The following CCT5 variants were observed in gnomAD, a reference collection of about 807,000 sequenced individuals.
The protein encoded by CCT5 is T-complex protein 1 subunit epsilon.
Under a neutral mutation model 55.0 loss-of-function variants are expected in CCT5, and 6 were observed. The observed-to-expected ratio is 0.11, with a 90% CI of 0.06 to 0.22. CCT5 has a LOEUF of 0.22. Among genes scored for constraint, CCT5 ranks in the 10% least tolerant of loss-of-function variants. CCT5 has a pLI of 1.00. For missense variants in CCT5, 560 were observed against 694.6 expected, an observed-to-expected ratio of 0.81 and a Z score of 2.18; for synonymous variants, 231 against 243.7, an observed-to-expected ratio of 0.95 and a Z score of 0.49.
At chr5:10,250,933 T>A (rs1044411543) in intron 1 of CCT5, 40 of 936,330 alleles carry the variant, frequency 4.3e-5, no homozygotes, top group Admixed American at 2.9e-4. Context: ...CTGAGTGCTT[T>A]TTTGCCCACC....
intron 8 of CCT5, 99 bp from the exon 9 acceptor site, chr5:10,262,382 T>C: frequency 7.7e-7 from 1 of 1,302,848 alleles, no homozygotes; most frequent in East Asian, 2.3e-5. Flanking sequence ...ATCTAAATAT[T>C]AGAGCACAGC....
intron 8 of CCT5, 61 bp downstream of exon 8, chr5:10,261,806 T>TAAAA (rs1431295329): frequency 7.4e-7 from 1 of 1,352,160 alleles, no homozygotes; most frequent in Admixed American, 1.7e-5. Context: ...CTGGCTTTTT[T>TAAAA]GCCTGTGTGT....
chr5:10,252,254 G>C (rs1745461163), intron 1 of CCT5, among the ~76,000 whole-genome samples: 1 of 152,192 alleles, frequency 6.6e-6, no homozygotes, highest in Non-Finnish European at 1.5e-5. Flanking sequence ...TGACCTCATA[G>C]AACGTCCAGC....
chr5:10,261,313 A>G, intron 7 of CCT5: 1 of 540,786 alleles, frequency 1.8e-6, no homozygotes, highest in Non-Finnish European at 3.3e-6. Flanking sequence ...TGAGGGTATG[A>G]GCTTAGGGGA....
At chr5:10,263,067 T>G in intron 9 of CCT5, 67 bp from the exon 10 acceptor site, 1 of 1,346,394 alleles carries the variant, frequency 7.4e-7, no homozygotes, top group Non-Finnish European at 1.1e-6. Context: ...TACAGTTGTG[T>G]TTTCACGGTG....
At position 10,262,559 on chromosome 5, in the gene CCT5, T is replaced by C; in HGVS notation, c.1258T>C (p.Tyr420His). The change falls in exon 9 of 11, where the codon TAT becomes CAT. Residue 420 changes from tyrosine (Y) to histidine (H), a missense_variant. By Grantham distance (83) the Tyr-to-His change is moderately conservative (BLOSUM62 2). Around this residue, in one of 4 missense-constraint regions of CCT5, gnomAD observed 256 missense variants for 372.4 expected, o/e 0.69. Transcript: ENST00000280326. Reference protein sequence around the residue: ...RNLIRDNRVVYGGGAAEISCA... With the variant: ...RNLIRDNRVVHGGGAAEISCA... The stretch of plus-strand genomic sequence containing the variant: ...CCTCATCCGCGATAATCGTGTGGTG[T>C]ATGGAGGAGGGGCTGCTGAGATATC... The C allele has an allele frequency of 6.2e-7, 1 of 1,614,188 alleles. No homozygotes were observed. The highest frequency in any genetic ancestry group is 8.5e-7 in the Non-Finnish European group (1 of 1,180,034).
intron 1 of CCT5, among the ~76,000 whole-genome samples, chr5:10,252,112 G>A (rs1745453313): frequency 6.6e-6 from 1 of 152,204 alleles, no homozygotes; most frequent in East Asian, 1.9e-4. Context: ...TTCGAGGTCG[G>A]ATCATTCTTT....
chr5:10,256,557 C>CA, intron 4 of CCT5, among the ~76,000 whole-genome samples: 1 of 151,910 alleles, frequency 6.6e-6, no homozygotes, highest in Admixed American at 6.6e-5. Context: ...CGCTACAAAA[C>CA]AAAAAACTAG....
chr5:10,258,662 T>G (rs1285308788), intron 6 of CCT5, 127 bp downstream of exon 6: 9 of 844,686 alleles, frequency 1.1e-5, no homozygotes, highest in Non-Finnish European at 1.8e-5. Context: ...CCAAATTGCA[T>G]AGAAAGGCAT....
At chr5:10,259,934 C>A (rs1269608339) in intron 6 of CCT5, among the ~76,000 whole-genome samples, 1 of 152,196 alleles carries the variant, frequency 6.6e-6, no homozygotes, top group African/African-American at 2.4e-5. Flanking sequence ...AAGAGGAACA[C>A]TGCAGGTGAC....
chr5:10,261,555 A>G lies in CCT5; in HGVS notation c.994-5A>G. On this transcript the variant is annotated splice_region_variant and splice_polypyrimidine_tract_variant and intron_variant, in intron 7 of 10. Transcript: ENST00000280326. ...TTCATCCTTCTCCCTGACCACCCCAATTAGCTGATTGCCATCGCAACAGGA... is the reference window on the plus strand; with the variant it reads ...TTCATCCTTCTCCCTGACCACCCCAGTTAGCTGATTGCCATCGCAACAGGA... The G allele has an allele frequency of 6.2e-7, 1 of 1,613,734 alleles. No homozygotes were observed. Among genetic ancestry groups the G allele is most frequent in the Non-Finnish European group, 8.5e-7 (1 of 1,179,852 alleles).
Position 10,250,370 on chromosome 5 carries a change from T to C in CCT5, c.30T>C (p.Asp10=), listed in dbSNP as rs368786514. Residue 10 remains aspartate, a synonymous_variant, in exon 1 of 11, where the codon GAT becomes GAC. Transcript: ENST00000280326. ...CGTCCATGGGGACCCTCGCCTTCGA[T>C]GAATATGGGCGCCCTTTCCTCATCA... MASMGTLAF[D]EYGRPFLIIK... 3 of 1,613,994 alleles carry C rather than the reference T, an allele frequency of 1.9e-6. No homozygotes were observed. The highest frequency in any genetic ancestry group is 1.3e-5 in the African/African-American group (1 of 74,928).
intron 2 of CCT5, 159 bp from the exon 3 acceptor site, chr5:10,254,515 A>G: frequency 4.3e-6 from 3 of 699,716 alleles, no homozygotes; most frequent in Non-Finnish European, 7.7e-6. Flanking sequence ...ATGTTAGCCA[A>G]TCTAAAAATG....
Position 10,263,271 on chromosome 5 carries a change from G to A in CCT5, c.1455G>A (p.Met485Ile). ...TCCGAGCCAGACAGGTGAAGGAGATGAACCCTGCTCTTGGCATCGACTGTT... is the reference window on the plus strand; with the variant it reads ...TCCGAGCCAGACAGGTGAAGGAGATAAACCCTGCTCTTGGCATCGACTGTT... Reference protein sequence around the residue: ...TEVRARQVKEMNPALGIDCLH... With the variant: ...TEVRARQVKEINPALGIDCLH... The change falls in exon 10 of 11, where the codon ATG (methionine) becomes ATA (isoleucine). Residue 485 changes from methionine to isoleucine, a missense_variant. Met to Ile is a conservative substitution (Grantham distance 10, BLOSUM62 1). Around this residue, in one of 4 missense-constraint regions of CCT5, gnomAD observed 115 missense variants for 105.0 expected, o/e 1.10. Transcript: ENST00000280326. The A allele has an allele frequency of 1.2e-6, 2 of 1,613,964 alleles. No homozygotes were observed. The highest frequency in any genetic ancestry group is 1.7e-6 in the Non-Finnish European group (2 of 1,180,006).
At chr5:10,263,077 G>T in intron 9 of CCT5, 57 bp from the exon 10 acceptor site, 1 of 1,428,218 alleles carries the variant, frequency 7.0e-7, no homozygotes, top group Non-Finnish European at 9.9e-7. Flanking sequence ...TTTTCACGGT[G>T]CCGCTGGGTT....
At chr5:10,250,531 T>G (rs1482908460) in intron 1 of CCT5, 86 bp downstream of exon 1, 4 of 1,571,630 alleles carry the variant, frequency 2.5e-6, no homozygotes, top group Non-Finnish European at 3.5e-6. Context: ...GAGGAGCGGC[T>G]CTGCCATGTG....
At position 10,254,736 on chromosome 5, in the gene CCT5, A is replaced by G; in HGVS notation, c.229A>G (p.Ile77Val). Reference sequence around the variant, plus strand: ...GACTGTAACTAATGATGGGGCCACCATCTTAAGCATGATGGATGTTGATCA... The same window carrying G: ...GACTGTAACTAATGATGGGGCCACCGTCTTAAGCATGATGGATGTTGATCA... ...DVTVTNDGAT[I>V]LSMMDVDHQI... The change falls in exon 3 of 11, where the codon ATC becomes GTC. Residue 77 changes from isoleucine to valine, a missense_variant. Physicochemically the swap from Ile to Val is conservative, Grantham distance 29. Around this residue, in one of 4 missense-constraint regions of CCT5, gnomAD observed 137 missense variants for 181.9 expected, o/e 0.75. Transcript: ENST00000280326. 6.2e-7 allele frequency: 1 copy of G among 1,613,554 alleles called. No homozygotes were observed. The highest frequency in any genetic ancestry group is 2.2e-5 in the East Asian group (1 of 44,880).
intron 9 of CCT5, 88 bp from the exon 10 acceptor site, chr5:10,263,046 A>G: frequency 9.1e-7 from 1 of 1,095,930 alleles, no homozygotes; most frequent in Non-Finnish European, 1.4e-6. Context: ...CTGACTTTTC[A>G]AAGTATGTGA....
upstream of CCT5, chr5:10,250,231 C>G: frequency 6.3e-7 from 1 of 1,575,164 alleles, no homozygotes; most frequent in Non-Finnish European, 8.6e-7. Context: ...TCCCGCGCGT[C>G]TTGTGCTGCG....
Sources: allele counts gnomAD v4.1 joint callset (sites outside exome capture counted in the v4.1 genomes callset), GRCh38; gene constraint gnomAD v4.1.1; regional missense constraint gnomAD v4.1.1; transcripts MANE v1.5; gene names NCBI Gene and HGNC (gene_info 2026-07-23, HGNC 2026-07-21).